Variants in SLC39A11 observed in about 807,000 individuals in gnomAD.
SLC39A11 encodes the protein solute carrier family 39 member 11, also known as zinc transporter ZIP11.
In SLC39A11, 33 loss-of-function variants were observed where a neutral mutation model predicts 36.1. The observed-to-expected ratio is 0.91, with a 90% CI of 0.69 to 1.22. The LOEUF (loss-of-function observed/expected upper bound fraction) is 1.22. Among genes scored for constraint, SLC39A11 ranks in the 50% most tolerant of loss-of-function variants. The pLI, the probability that SLC39A11 is intolerant of heterozygous loss-of-function variation, is 0.00. For synonymous variants in SLC39A11, 166 were observed against 170.3 expected (o/e 0.97, Z 0.20); for missense variants, 432 against 430.3 (o/e 1.00, Z -0.03).
At chr17:73,009,953 GA>G (rs2090419974) in intron 4 of SLC39A11, among the ~76,000 whole-genome samples, 1 of 149,090 alleles carries the variant, frequency 6.7e-6, no homozygotes. Context: ...TGTTCTCATC[GA>G]ATACAACAAA....
chr17:72,753,924 G>A (rs1043446745), intron 6 of SLC39A11, among the ~76,000 whole-genome samples: 6 of 137,094 alleles, frequency 4.4e-5, no homozygotes, highest in East Asian at 2.1e-4. Flanking sequence ...CTGCACACAC[G>A]TTCATAGCAG....
At chr17:73,052,272 A>G (rs1483297592) in intron 3 of SLC39A11, among the ~76,000 whole-genome samples, 1 of 152,146 alleles carries the variant, frequency 6.6e-6, no homozygotes, top group African/African-American at 2.4e-5. Flanking sequence ...TATCAGACAG[A>G]TAAGGATGCA....
chr17:72,750,752 T>C (rs2075125237), intron 6 of SLC39A11, among the ~76,000 whole-genome samples: 2 of 151,854 alleles, frequency 1.3e-5, no homozygotes, highest in Non-Finnish European at 2.9e-5. Flanking sequence ...GGGGCATTTT[T>C]TCCTACAAGC....
intron 6 of SLC39A11, among the ~76,000 whole-genome samples, chr17:72,801,061 C>T (rs925312654): frequency 6.6e-6 from 1 of 152,126 alleles, no homozygotes; most frequent in African/African-American, 2.4e-5. Context: ...ACACAAAAGC[C>T]CACAGACGAC....
chr17:72,963,986 G>A (rs188183238), intron 4 of SLC39A11, among the ~76,000 whole-genome samples: 2 of 152,274 alleles, frequency 1.3e-5, no homozygotes, highest in African/African-American at 4.8e-5. Context: ...ATAAGTTTTA[G>A]TCTTTTTTTG....
intron 2 of SLC39A11, among the ~76,000 whole-genome samples, chr17:73,085,264 T>C (rs569988059): frequency 8.5e-5 from 13 of 152,118 alleles, no homozygotes; most frequent in African/African-American, 1.2e-4. Context: ...CCCAGCACTG[T>C]GGGAGGCTGA....
At chr17:73,014,469 C>T (rs553955716) in intron 4 of SLC39A11, among the ~76,000 whole-genome samples, 71 of 152,274 alleles carry the variant, frequency 4.7e-4, no homozygotes, top group African/African-American at 1.6e-3. Flanking sequence ...CCAACCTGGG[C>T]AACGTAGCAA....
chr17:72,657,645 C>T (rs1477957307), intron 7 of SLC39A11, among the ~76,000 whole-genome samples: 1 of 152,182 alleles, frequency 6.6e-6, no homozygotes, highest in Non-Finnish European at 1.5e-5. Flanking sequence ...GGATATAGGA[C>T]TTACTCAGTG....
intron 3 of SLC39A11, among the ~76,000 whole-genome samples, chr17:73,062,016 A>G (rs527592961): frequency 1.3e-5 from 2 of 152,230 alleles, no homozygotes; most frequent in South Asian, 2.1e-4. Flanking sequence ...AACAAAAAAA[A>G]TCCTCTGTTC....
rs567254979 is a variant in SLC39A11 at position 72,701,257 on chromosome 17, C to T, written c.671+35393G>A. Reference sequence around the variant, plus strand: ...TGAAGAGAGGGAGGTGTGGAGGAAGCTGATCAAGCCTCAGAAGTGGGGATC... The same window carrying T: ...TGAAGAGAGGGAGGTGTGGAGGAAGTTGATCAAGCCTCAGAAGTGGGGATC... On this transcript the variant is annotated intron_variant, in intron 7 of 9. Coordinates refer to ENST00000255559, the MANE Select transcript of SLC39A11 (RefSeq NM_139177.4). 9.2e-5 allele frequency among the ~76,000 whole-genome samples: 14 copies of T among 152,328 alleles called. No individual in the cohort carries two copies. In the South Asian group the frequency reaches 2.7e-3, roughly 29 times the overall value.
intron 5 of SLC39A11, among the ~76,000 whole-genome samples, chr17:72,861,046 T>C (rs1465482649): frequency 6.6e-6 from 1 of 152,172 alleles, no homozygotes; most frequent in Non-Finnish European, 1.5e-5. Context: ...AGTATTGCAC[T>C]TATAAAAATA....
At chr17:72,725,965 G>C (rs62069545) in intron 7 of SLC39A11, among the ~76,000 whole-genome samples, 1 of 152,252 alleles carries the variant, frequency 6.6e-6, no homozygotes, top group Non-Finnish European at 1.5e-5. Flanking sequence ...GTGGGATCAA[G>C]ATGTCAAAGT....
rs575023928 is a variant in SLC39A11, at chr17:72,806,237, A to C, written c.601+43397T>G. ...CCGTTACTTTTCCTAGCCAATCTTC[A>C]ACTGCTTCCTAAGGAAGGGTACAAG... On this transcript the variant is annotated intron_variant, in intron 6 of 9. Coordinates refer to ENST00000255559, the MANE Select transcript of SLC39A11 (RefSeq NM_139177.4). Among the ~76,000 whole-genome samples the C allele has an allele frequency of 2.8e-4, 42 of 152,298 alleles. No homozygotes were observed. The South Asian group carries it at 8.5e-3, about 31-fold the overall frequency.
Position 73,037,423 on chromosome 17 carries a change from T to A in SLC39A11, c.148-5709A>T, listed in dbSNP as rs1022148298. ...GTGCAGGAATAGAAAGCAGGGTATC[T>A]GATTACCTCTCAACTATCCCTAAGA... On this transcript the variant is annotated intron_variant, in intron 3 of 9. Transcript: ENST00000255559. Among the ~76,000 whole-genome samples, 3 of 152,362 alleles carry A rather than the reference T, an allele frequency of 2.0e-5. No individual in the cohort carries two copies. In the South Asian group the frequency reaches 6.2e-4, roughly 32 times the overall value.
At chr17:72,900,179 AAG>A (rs1160483185) in intron 5 of SLC39A11, among the ~76,000 whole-genome samples, 2 of 146,158 alleles carry the variant, frequency 1.4e-5, no homozygotes, top group African/African-American at 2.6e-5. Context: ...GAAAGAAAGA[AAG>A]AAAGAAAGAA....
intron 3 of SLC39A11, among the ~76,000 whole-genome samples, chr17:73,041,922 T>C (rs1364689253): frequency 6.6e-6 from 1 of 152,168 alleles, no homozygotes. Context: ...ATCTCTTTTC[T>C]CAAAATATCA....
intron 4 of SLC39A11, among the ~76,000 whole-genome samples, chr17:73,006,241 T>C (rs1192995501): frequency 6.6e-6 from 1 of 152,210 alleles, no homozygotes; most frequent in East Asian, 1.9e-4. Context: ...AAAATGAGCA[T>C]ACATAATTTT....
At chr17:72,786,314 G>A (rs540467661) in intron 6 of SLC39A11, among the ~76,000 whole-genome samples, 9 of 152,274 alleles carry the variant, frequency 5.9e-5, no homozygotes, top group Admixed American at 1.3e-4. Context: ...AGATATCTTC[G>A]ATGCTGGCAC....
At chr17:72,827,276 G>A (rs893330701) in intron 6 of SLC39A11, among the ~76,000 whole-genome samples, 1 of 152,226 alleles carries the variant, frequency 6.6e-6, no homozygotes, top group African/African-American at 2.4e-5. Context: ...TATATGAAAT[G>A]TTCAGAATAG....
Sources: allele counts gnomAD v4.1 joint callset (sites outside exome capture counted in the v4.1 genomes callset), GRCh38; gene constraint gnomAD v4.1.1; transcripts MANE v1.5; gene names NCBI Gene and HGNC (gene_info 2026-07-23, HGNC 2026-07-21).